Variants in GFOD1 observed in about 807,000 individuals in gnomAD.
GFOD1 encodes Gfo/Idh/MocA-like oxidoreductase domain containing 1.
In GFOD1, 9 loss-of-function variants were observed where a neutral mutation model predicts 25.4. That is an observed-to-expected ratio of 0.35 (90% CI 0.21 to 0.62). The LOEUF (loss-of-function observed/expected upper bound fraction) is 0.62. GFOD1 is among the 20% of genes least tolerant of loss of function. The pLI is 0.72. For missense variants in GFOD1, 403 were observed against 556.9 expected (o/e 0.72, Z 2.78); for synonymous variants, 253 against 245.6 (o/e 1.03, Z -0.28).
At chr6:13,402,043 C>T (rs192322673) in intron 1 of GFOD1, among the ~76,000 whole-genome samples, 83 of 152,256 alleles carry the variant, frequency 5.5e-4, no homozygotes, top group African/African-American at 1.5e-3. Flanking sequence ...TTTTATCTTA[C>T]GATCAACAGA....
chr6:13,474,789 C>G (rs571816726), intron 1 of GFOD1, among the ~76,000 whole-genome samples: 16 of 152,324 alleles, frequency 1.1e-4, no homozygotes, highest in African/African-American at 3.8e-4. Flanking sequence ...GGAAGACAAT[C>G]TTCAACTTGG....
intron 1 of GFOD1, among the ~76,000 whole-genome samples, chr6:13,440,522 A>C (rs923945994): frequency 1.3e-5 from 2 of 152,062 alleles, no homozygotes; most frequent in Non-Finnish European, 2.9e-5. Flanking sequence ...AACCATGTAC[A>C]CCTCCTGGAC....
At chr6:13,473,897 G>A (rs868834680) in intron 1 of GFOD1, among the ~76,000 whole-genome samples, 4 of 152,050 alleles carry the variant, frequency 2.6e-5, no homozygotes, top group Non-Finnish European at 5.9e-5. Context: ...AAGTGCACCC[G>A]GGACGAGTGG....
chr6:13,391,030 C>T (rs973107063), intron 1 of GFOD1, among the ~76,000 whole-genome samples: 2 of 152,100 alleles, frequency 1.3e-5, no homozygotes, highest in African/African-American at 4.8e-5. Flanking sequence ...AAGACCATCT[C>T]CAATAAACCT....
chr6:13,441,039 G>C (rs1757906363), intron 1 of GFOD1, among the ~76,000 whole-genome samples: 1 of 152,206 alleles, frequency 6.6e-6, no homozygotes, highest in African/African-American at 2.4e-5. Flanking sequence ...AGATCATCGT[G>C]AAGAAGTCAT....
intron 1 of GFOD1, among the ~76,000 whole-genome samples, chr6:13,477,003 G>A (rs1017092170): frequency 6.6e-6 from 1 of 152,076 alleles, no homozygotes; most frequent in Non-Finnish European, 1.5e-5. Flanking sequence ...CCAAAAGAAC[G>A]CTGGCTTTCC....
chr6:13,424,349 G>A (rs59143569), intron 1 of GFOD1, among the ~76,000 whole-genome samples: 3,141 of 152,238 alleles, frequency 0.021, 115 homozygotes, highest in African/African-American at 0.068. Flanking sequence ...GGAAGATGAT[G>A]ATGATGATGA....
At chr6:13,387,913 G>A (rs1165058962) in intron 1 of GFOD1, among the ~76,000 whole-genome samples, 1 of 152,198 alleles carries the variant, frequency 6.6e-6, no homozygotes, top group Non-Finnish European at 1.5e-5. Flanking sequence ...GGCAACTTCA[G>A]CAAAGTCTCA....
chr6:13,365,580 G>A lies in GFOD1; in HGVS notation c.336C>T (p.Pro112=). Residue 112 remains proline, a synonymous_variant, in exon 2 of 2, where the codon CCC becomes CCT. Coordinates refer to ENST00000379287, the MANE Select transcript of GFOD1 (RefSeq NM_018988.4). The surrounding 1 kb of genome is among the most constrained non-coding windows in gnomAD (Gnocchi z 9.2). ...FRMTSAAHYY[P]KLMSIMGNVL... ...CGTTGCCCATGATGCTCATGAGCTT[G>A]GGGTAGTAGTGGGCGGCCGAGGTCA... The A allele has an allele frequency of 6.2e-7, 1 of 1,609,306 alleles. No individual in the cohort carries two copies. The highest frequency in any genetic ancestry group is 1.3e-5 in the African/African-American group (1 of 75,060).
intron 1 of GFOD1, chr6:13,485,952 G>A (rs1758855114): frequency 8.3e-6 from 7 of 841,238 alleles, no homozygotes; most frequent in African/African-American, 1.8e-5. Context: ...AACCTATGAC[G>A]CCTCTGAAAA....
intron 1 of GFOD1, among the ~76,000 whole-genome samples, chr6:13,419,821 C>T (rs1364458841): frequency 6.6e-6 from 1 of 152,192 alleles, no homozygotes. Flanking sequence ...TGTCTCCCTC[C>T]CTTGCTTCCT....
At chr6:13,444,064 T>C (rs1266638436) in intron 1 of GFOD1, among the ~76,000 whole-genome samples, 4 of 152,096 alleles carry the variant, frequency 2.6e-5, no homozygotes, top group South Asian at 2.1e-4. Flanking sequence ...CACACAAATG[T>C]TCACTGCAGC....
At chr6:13,465,701 C>G (rs1758368799) in intron 1 of GFOD1, among the ~76,000 whole-genome samples, 2 of 152,196 alleles carry the variant, frequency 1.3e-5, no homozygotes, top group Non-Finnish European at 2.9e-5. Flanking sequence ...GTAACAAACC[C>G]CTTGTCTTAG....
chr6:13,418,811 T>C (rs1422377926), intron 1 of GFOD1, among the ~76,000 whole-genome samples: 1 of 152,096 alleles, frequency 6.6e-6, no homozygotes, highest in Non-Finnish European at 1.5e-5. Flanking sequence ...AATTCCAGAA[T>C]TGGAATAAAA....
chr6:13,434,449 T>C (rs1335966404), intron 1 of GFOD1, among the ~76,000 whole-genome samples: 1 of 148,224 alleles, frequency 6.7e-6, no homozygotes, highest in Admixed American at 6.7e-5. Context: ...TGCAGGGCCT[T>C]ATGGGAACAC....
At chr6:13,475,792 C>T (rs1758611248) in intron 1 of GFOD1, among the ~76,000 whole-genome samples, 1 of 150,604 alleles carries the variant, frequency 6.6e-6, no homozygotes, top group Non-Finnish European at 1.5e-5. Flanking sequence ...GGCATGGTGG[C>T]GCACACCCGT....
chr6:13,366,828 T>C (rs1282258952), intron 1 of GFOD1, among the ~76,000 whole-genome samples: 2 of 152,140 alleles, frequency 1.3e-5, no homozygotes, highest in African/African-American at 4.8e-5. Flanking sequence ...AAATGTCTGG[T>C]ATTGATTTAA....
In GFOD1 at chr6:13,457,262, C is replaced by T. The variant is rs146653482; in HGVS notation, c.253+29376G>A. Among the ~76,000 whole-genome samples, 428 of 152,288 alleles carry T rather than the reference C, an allele frequency of 2.8e-3. 3 individuals are homozygous for T. The highest frequency in any genetic ancestry group is 6.7e-3 in the Admixed American group (102 of 15,300). On this transcript the variant is annotated intron_variant, in intron 1 of 1. Transcript: ENST00000379287. ...TGGACTTTCTGAAATTTTCCAGAGT[C>T]TAAAATGGAGGGATGGTGTCTAGAA...
At chr6:13,423,562 C>T (rs890441816) in intron 1 of GFOD1, among the ~76,000 whole-genome samples, 1 of 152,200 alleles carries the variant, frequency 6.6e-6, no homozygotes, top group Non-Finnish European at 1.5e-5. Flanking sequence ...AGCGGCTCTC[C>T]ATGAGTGTCG....
Sources: gnomAD v4.1 joint callset for allele counts (sites outside exome capture counted in the v4.1 genomes callset) on GRCh38, gnomAD v4.1.1 for gene constraint, Gnocchi (gnomAD v3.1) non-coding constraint, MANE v1.5 for transcripts, NCBI Gene and HGNC (gene_info 2026-07-23, HGNC 2026-07-21) for gene names.